CWC22: variants seen among roughly 807,000 people sequenced by gnomAD.
CWC22 encodes CWC22 spliceosome associated protein.
CWC22 carries 53 observed loss-of-function variants against 117.2 expected under a neutral mutation model. The ratio of observed to expected loss-of-function variants is 0.45; its 90% CI spans 0.36 to 0.57. The LOEUF is 0.57. CWC22 is among the 20% of genes least tolerant of loss of function. CWC22 has a pLI of 0.00. For missense variants in CWC22, 980 were observed against 1,068.8 expected (o/e 0.92, Z 1.16); for synonymous variants, 360 against 355.6 (o/e 1.01, Z -0.14).
chr2:179,952,464 A>G lies in CWC22; in HGVS notation c.1817+7T>C. 1 of 1,555,982 alleles carries G rather than the reference A, an allele frequency of 6.4e-7. No homozygotes were observed. The highest frequency in any genetic ancestry group is 8.7e-7 in the Non-Finnish European group (1 of 1,151,754). ...TAAGAATAAAAAGTGCTTAATGGCA[A>G]ACTTACTCATCCTTTAATCTTGCAT... is the stretch of plus-strand genomic sequence containing the variant. On this transcript the variant is annotated splice_region_variant and intron_variant, in intron 17 of 19. Transcript: ENST00000410053.
chr2:180,001,427 G>C (rs752311025), intron 1 of CWC22, among the ~76,000 whole-genome samples: 5 of 151,958 alleles, frequency 3.3e-5, no homozygotes, highest in African/African-American at 1.2e-4. Flanking sequence ...CCAGGTTCAA[G>C]TGATTCTCAT....
rs1686251624 is a variant in CWC22, at chr2:179,944,923, C to T, written c.*206G>A. ...ACAAAATATAAGCGAGACTTACATC[C>T]CTTTCTGGTGAAAGTTTTCAAATAA... On this transcript the variant is annotated 3_prime_UTR_variant, in exon 20 of 20. Transcript: ENST00000410053. The T allele has an allele frequency of 2.4e-6, 1 of 411,010 alleles. No individual in the cohort carries two copies. The highest frequency in any genetic ancestry group is 4.3e-6 in the Non-Finnish European group (1 of 234,584). 25.5% of individuals were successfully genotyped at this position (411,010 alleles called of 1,614,324 possible).
At chr2:179,981,302 C>A (rs1289729700) in intron 5 of CWC22, among the ~76,000 whole-genome samples, 1 of 151,766 alleles carries the variant, frequency 6.6e-6, no homozygotes, top group Non-Finnish European at 1.5e-5. Context: ...ACAACAGAGA[C>A]AAAATGACTC....
At chr2:179,961,238 G>T (rs1686740536) in intron 13 of CWC22, among the ~76,000 whole-genome samples, 1 of 151,938 alleles carries the variant, frequency 6.6e-6, no homozygotes, top group African/African-American at 2.4e-5. Context: ...ATTGTTTATT[G>T]ATTCAGAAAT....
intron 3 of CWC22, 74 bp from the exon 4 acceptor site, chr2:179,986,879 T>C (rs1033522801): frequency 3.9e-6 from 3 of 762,786 alleles, no homozygotes; most frequent in Non-Finnish European, 6.2e-6. Context: ...AGTCATATAT[T>C]GGTAATGGTA....
intron 11 of CWC22, among the ~76,000 whole-genome samples, chr2:179,966,650 T>C (rs16867125): frequency 0.031 from 4,676 of 152,154 alleles, 235 homozygotes; most frequent in East Asian, 0.26. Flanking sequence ...TGGATGAAAA[T>C]AGTGATGTAT....
intron 4 of CWC22, among the ~76,000 whole-genome samples, chr2:179,985,554 C>T (rs954344433): frequency 3.3e-5 from 5 of 152,042 alleles, no homozygotes; most frequent in Admixed American, 6.5e-5. Context: ...ATTAAAACGC[C>T]GACATCTTTC....
At chr2:179,968,942 TAATA>T (rs1426343541) in intron 11 of CWC22, among the ~76,000 whole-genome samples, 1 of 152,192 alleles carries the variant, frequency 6.6e-6, no homozygotes, top group African/African-American at 2.4e-5. Context: ...TGAAATAATT[TAATA>T]AATATTCTTT....
chr2:179,971,857 C>T (rs1440271797), intron 8 of CWC22, among the ~76,000 whole-genome samples: 1 of 152,114 alleles, frequency 6.6e-6, no homozygotes, highest in Non-Finnish European at 1.5e-5. Flanking sequence ...TATCTTCTTC[C>T]AGCTGTGCAC....
chr2:179,954,278 A>C lies in CWC22; in HGVS notation c.1616T>G (p.Leu539Trp). The C allele has an allele frequency of 6.2e-7, 1 of 1,611,254 alleles. No homozygotes were observed. The highest frequency in any genetic ancestry group is 8.5e-7 in the Non-Finnish European group (1 of 1,177,916). The change falls in exon 16 of 20, where the codon TTG (leucine) becomes TGG (tryptophan). Residue 539 changes from leucine (L) to tryptophan (W), a missense_variant. By Grantham distance (61) the Leu-to-Trp change is moderately conservative. Around this residue, in one of 3 missense-constraint regions of CWC22, gnomAD observed 115 missense variants for 169.8 expected, o/e 0.68. Transcript: ENST00000410053. ...FKEQYDTIHR[L>W]ETNKLRNVAK... is the part of the protein sequence containing the mutation. ...AACATTTCGCAACTTGTTTGTTTCC[A>C]AGCGATGGATGGTATCATACTGTTC...
intron 8 of CWC22, among the ~76,000 whole-genome samples, chr2:179,972,487 T>C (rs1157907810): frequency 6.6e-6 from 1 of 152,172 alleles, no homozygotes. Context: ...TATACCTGTG[T>C]GGTTGCAAGG....
intron 1 of CWC22, among the ~76,000 whole-genome samples, chr2:180,004,610 G>A (rs991516287): frequency 2.2e-4 from 33 of 152,180 alleles, no homozygotes; most frequent in Admixed American, 5.9e-4. Flanking sequence ...GGCCAGGCTG[G>A]TCTATCTCAA....
chr2:179,948,965 G>A (rs563796974), intron 19 of CWC22, among the ~76,000 whole-genome samples: 1 of 152,138 alleles, frequency 6.6e-6, no homozygotes, highest in Non-Finnish European at 1.5e-5. Context: ...AGGGGAAGTT[G>A]GAATGAAGAG....
chr2:180,006,364 A>G (rs776434704), intron 1 of CWC22, among the ~76,000 whole-genome samples: 4 of 152,156 alleles, frequency 2.6e-5, no homozygotes, highest in Non-Finnish European at 4.4e-5. Context: ...GTGTTGTAGG[A>G]CCCAGAGCTC....
At position 179,973,249 on chromosome 2, in the gene CWC22, G is replaced by A. The variant is rs1262496121; in HGVS notation, c.751-3C>T. 3.1e-6 allele frequency: 5 copies of A among 1,593,780 alleles called. No homozygotes were observed. Among genetic ancestry groups the A allele is most frequent in the East Asian group, 2.3e-5 (1 of 44,370 alleles). Reference sequence around the variant, plus strand: ...TTTGAAGCAGTCAGGCAAAGTTGCTGAAAAATAAAGGTGGAAAGTTAACCT... The same window carrying A: ...TTTGAAGCAGTCAGGCAAAGTTGCTAAAAAATAAAGGTGGAAAGTTAACCT... On this transcript the variant is annotated splice_polypyrimidine_tract_variant and splice_region_variant and intron_variant, in intron 7 of 19. Transcript: ENST00000410053.
At chr2:179,951,536 C>T (rs908162769) in intron 17 of CWC22, among the ~76,000 whole-genome samples, 2 of 151,908 alleles carry the variant, frequency 1.3e-5, no homozygotes, top group African/African-American at 4.8e-5. Context: ...GAAAAAGGTA[C>T]AATATAAGAA....
chr2:180,005,525 G>A (rs539449301), intron 1 of CWC22, among the ~76,000 whole-genome samples: 24 of 152,212 alleles, frequency 1.6e-4, no homozygotes, highest in African/African-American at 5.8e-4. Context: ...GCAGTGAGCC[G>A]AGATAGCGCC....
chr2:179,992,298 C>G (rs1446724050), intron 2 of CWC22, among the ~76,000 whole-genome samples: 1 of 152,194 alleles, frequency 6.6e-6, no homozygotes, highest in African/African-American at 2.4e-5. Flanking sequence ...GTTTCGAAAG[C>G]AGATGGAATT....
intron 5 of CWC22, 99 bp downstream of exon 5, chr2:179,981,653 C>A: frequency 1.0e-6 from 1 of 969,468 alleles, no homozygotes; most frequent in Non-Finnish European, 1.5e-6. Flanking sequence ...TCACTATAGA[C>A]TAACGTAAAT....
Sources: gnomAD v4.1 joint callset for allele counts (sites outside exome capture counted in the v4.1 genomes callset) on GRCh38, gnomAD v4.1.1 for gene constraint, gnomAD v4.1.1 regional missense constraint, MANE v1.5 for transcripts, NCBI Gene and HGNC (gene_info 2026-07-23, HGNC 2026-07-21) for gene names.